RBFOX1: variants seen among roughly 807,000 people sequenced by gnomAD.
RBFOX1 encodes the protein RNA binding fox-1 homolog 1, also known as RNA binding protein fox-1 homolog 1.
A neutral mutation model predicts 57.7 loss-of-function variants in RBFOX1; 8 were observed. The ratio of observed to expected loss-of-function variants is 0.14; its 90% CI spans 0.08 to 0.25. The LOEUF is 0.25. Among genes scored for constraint, RBFOX1 ranks in the 10% least tolerant of loss-of-function variants. The pLI is 1.00. For missense variants in RBFOX1, 611 were observed against 548.5 expected (o/e 1.11, Z -1.14); for synonymous variants, 326 against 222.4 (o/e 1.47, Z -4.15).
chr16:7,134,613 C>G (rs1405565174), intron 4 of RBFOX1, among the ~76,000 whole-genome samples: 1 of 152,120 alleles, frequency 6.6e-6, no homozygotes, highest in Non-Finnish European at 1.5e-5. Context: ...CTCCCTTCAC[C>G]CTGCCCACAT....
At chr16:6,046,938 G>A (rs1488154397) in intron 1 of RBFOX1, among the ~76,000 whole-genome samples, 1 of 152,134 alleles carries the variant, frequency 6.6e-6, no homozygotes, top group Admixed American at 6.5e-5. Flanking sequence ...CTAAGTATAT[G>A]GTAACGGAGT....
At chr16:6,647,729 G>A (rs2098545455) in intron 2 of RBFOX1, among the ~76,000 whole-genome samples, 1 of 152,154 alleles carries the variant, frequency 6.6e-6, no homozygotes, top group African/African-American at 2.4e-5. Context: ...CTGGGATGAG[G>A]TGTGATGTGT....
At chr16:7,651,948 A>G (rs925928218) in intron 11 of RBFOX1, among the ~76,000 whole-genome samples, 1 of 152,118 alleles carries the variant, frequency 6.6e-6, no homozygotes, top group Non-Finnish European at 1.5e-5. Context: ...TAGAGAAGCG[A>G]ACTGAGCTTG....
At chr16:6,436,196 G>A (rs1177469343) in intron 2 of RBFOX1, among the ~76,000 whole-genome samples, 2 of 152,174 alleles carry the variant, frequency 1.3e-5, no homozygotes, top group Non-Finnish European at 2.9e-5. Flanking sequence ...TGTTATACCT[G>A]CTTTAAGGGT....
chr16:6,101,637 C>G (rs1212965319), intron 1 of RBFOX1, among the ~76,000 whole-genome samples: 1 of 152,156 alleles, frequency 6.6e-6, no homozygotes, highest in African/African-American at 2.4e-5. Flanking sequence ...CAGGCACTGG[C>G]CACCAGGCCC....
At chr16:7,288,182 T>A (rs1164740297) in intron 4 of RBFOX1, among the ~76,000 whole-genome samples, 2 of 152,194 alleles carry the variant, frequency 1.3e-5, no homozygotes, top group African/African-American at 2.4e-5. Context: ...AAGCGGCACC[T>A]ACCTCAACCA....
chr16:6,636,321 C>T (rs1021370111), intron 2 of RBFOX1, among the ~76,000 whole-genome samples: 6 of 152,082 alleles, frequency 3.9e-5, no homozygotes, highest in African/African-American at 1.4e-4. Context: ...GAGGCGCCTG[C>T]CACCACACAC....
chr16:7,391,373 C>G (rs1214543151), intron 4 of RBFOX1, among the ~76,000 whole-genome samples: 1 of 152,162 alleles, frequency 6.6e-6, no homozygotes, highest in Admixed American at 6.5e-5. Flanking sequence ...TCCAAGGATA[C>G]CAATTATAGG....
chr16:7,416,549 G>C (rs1194912482), intron 4 of RBFOX1, among the ~76,000 whole-genome samples: 2 of 152,098 alleles, frequency 1.3e-5, no homozygotes, highest in Non-Finnish European at 2.9e-5. Flanking sequence ...GAAGATCGGG[G>C]CTAATGTAAA....
At chr16:7,634,990 G>A (rs959285814) in intron 11 of RBFOX1, among the ~76,000 whole-genome samples, 1 of 152,194 alleles carries the variant, frequency 6.6e-6, no homozygotes. Flanking sequence ...TTAGTGAAAT[G>A]GGCAGGGCTG....
At chr16:6,939,030 A>C (rs532753462) in intron 3 of RBFOX1, among the ~76,000 whole-genome samples, 3 of 152,302 alleles carry the variant, frequency 2.0e-5, no homozygotes, top group African/African-American at 7.2e-5. Context: ...CTGCCTTGAC[A>C]TGTGACGAAC....
intron 4 of RBFOX1, among the ~76,000 whole-genome samples, chr16:7,064,629 C>T (rs545080109): frequency 1.3e-5 from 2 of 152,312 alleles, no homozygotes; most frequent in East Asian, 3.9e-4. Context: ...GCCTCCAGCA[C>T]TGTGGGGAAG....
intron 1 of RBFOX1, among the ~76,000 whole-genome samples, chr16:6,274,175 G>A (rs1265282601): frequency 6.6e-6 from 1 of 152,156 alleles, no homozygotes; most frequent in Non-Finnish European, 1.5e-5. Flanking sequence ...GCAGTTATCA[G>A]ATAACCTAGT....
chr16:5,347,620 C>A (rs1201615608), intron 1 of RBFOX1, among the ~76,000 whole-genome samples: 1 of 150,932 alleles, frequency 6.6e-6, no homozygotes, highest in South Asian at 2.1e-4. Context: ...TCCCATCCCC[C>A]TATCAACACA....
intron 2 of RBFOX1, among the ~76,000 whole-genome samples, chr16:6,581,285 CTG>C (rs895393669): frequency 1.3e-5 from 2 of 152,174 alleles, no homozygotes; most frequent in Admixed American, 6.5e-5. Context: ...GCACAGGGTT[CTG>C]TGTCTTTGCT....
At chr16:7,393,137 G>T (rs1377674321) in intron 4 of RBFOX1, among the ~76,000 whole-genome samples, 1 of 152,154 alleles carries the variant, frequency 6.6e-6, no homozygotes, top group Non-Finnish European at 1.5e-5. Context: ...GCCTCCTAAA[G>T]TGGTGGGATT....
chr16:6,081,588 C>G (rs901130076), intron 1 of RBFOX1, among the ~76,000 whole-genome samples: 1 of 152,194 alleles, frequency 6.6e-6, no homozygotes, highest in African/African-American at 2.4e-5. Flanking sequence ...GAAGGTGATT[C>G]TTAACCATTA....
intron 3 of RBFOX1, among the ~76,000 whole-genome samples, chr16:6,703,142 T>G (rs2154143736): frequency 6.6e-6 from 1 of 152,350 alleles, no homozygotes; most frequent in South Asian, 2.1e-4. Flanking sequence ...TCATGTTTTG[T>G]TTTGTTATAT....
At chr16:6,639,532 A>G (rs2098470188) in intron 2 of RBFOX1, among the ~76,000 whole-genome samples, 1 of 152,190 alleles carries the variant, frequency 6.6e-6, no homozygotes, top group African/African-American at 2.4e-5. Flanking sequence ...AACAATAACT[A>G]TGATAAAATT....
Sources: gnomAD v4.1 joint callset for allele counts (sites outside exome capture counted in the v4.1 genomes callset) on GRCh38, gnomAD v4.1.1 for gene constraint, MANE v1.5 for transcripts, NCBI Gene and HGNC (gene_info 2026-07-23, HGNC 2026-07-21) for gene names.